NECAB1: variants seen among roughly 807,000 people sequenced by gnomAD.
NECAB1 encodes N-terminal EF-hand calcium-binding protein 1.
Under a neutral mutation model 57.5 loss-of-function variants are expected in NECAB1, and 29 were observed. The observed-to-expected ratio is 0.50, with a 90% CI of 0.38 to 0.69. The LOEUF is 0.69. Among genes scored for constraint, NECAB1 ranks in the 30% least tolerant of loss-of-function variants. The pLI is 0.00. For missense variants in NECAB1, 372 were observed against 413.8 expected (o/e 0.90, Z 0.88); for synonymous variants, 142 against 147.7 (o/e 0.96, Z 0.28).
chr8:90,847,476 G>A (rs2129763523), intron 3 of NECAB1, among the ~76,000 whole-genome samples: 1 of 152,364 alleles, frequency 6.6e-6, no homozygotes, highest in South Asian at 2.1e-4. Flanking sequence ...GGGGTCTGGA[G>A]GATGGTGGCC....
At chr8:90,927,744 C>T (rs1282004932) in intron 7 of NECAB1, among the ~76,000 whole-genome samples, 3 of 151,218 alleles carry the variant, frequency 2.0e-5, no homozygotes, top group East Asian at 1.9e-4. Flanking sequence ...ATTATAGAGT[C>T]CATGTATATA....
At chr8:90,834,164 C>CAAAAAAAAAA (rs71560282) in intron 3 of NECAB1, among the ~76,000 whole-genome samples, 1 of 49,138 alleles carries the variant, frequency 2.0e-5, no homozygotes, top group Non-Finnish European at 4.0e-5. Flanking sequence ...AACTGTGTCT[C>CAAAAAAAAAA]AAAAAAAAAA....
chr8:90,850,579 GATACAAGAAC>G (rs113257364), intron 3 of NECAB1, among the ~76,000 whole-genome samples: 7,095 of 152,234 alleles, frequency 0.047, 568 homozygotes, highest in African/African-American at 0.16. Context: ...TGTAGCATGT[GATACAAGAAC>G]ACCATGCAAA....
At chr8:90,828,663 C>T (rs1385458569) in intron 3 of NECAB1, among the ~76,000 whole-genome samples, 5 of 151,934 alleles carry the variant, frequency 3.3e-5, no homozygotes, top group African/African-American at 1.2e-4. Flanking sequence ...TTTCCATCAC[C>T]TTTTAAATTA....
chr8:90,926,759 C>A (rs1810282265), intron 7 of NECAB1, among the ~76,000 whole-genome samples: 1 of 152,144 alleles, frequency 6.6e-6, no homozygotes, highest in Admixed American at 6.6e-5. Context: ...ATATTAAAAA[C>A]CATTGTTTTA....
chr8:90,938,586 A>G (rs1563542524), intron 9 of NECAB1, among the ~76,000 whole-genome samples: 1 of 152,212 alleles, frequency 6.6e-6, no homozygotes, highest in Non-Finnish European at 1.5e-5. Flanking sequence ...TATTATTTAA[A>G]AAGCTCCGCT....
rs1371964139 is a variant in NECAB1, at chr8:90,957,849, T to C, written c.*2337T>C. ...GTAAAATAAAAAAAAATTTAAAAAA[T>C]TAAAAAATAAAAAAAAGAGGTCACT... On this transcript the variant is annotated 3_prime_UTR_variant, in exon 13 of 13. Coordinates refer to ENST00000417640, the MANE Select transcript of NECAB1 (RefSeq NM_022351.5). 2 of 148,762 alleles carry C rather than the reference T, an allele frequency of 1.3e-5. No homozygotes were observed. The highest frequency in any genetic ancestry group is 3.0e-5 in the Non-Finnish European group (2 of 66,816). 9.2% of individuals were successfully genotyped at this position (148,762 alleles called of 1,614,324 possible).
At chr8:90,895,256 T>TA (rs1450598217) in intron 5 of NECAB1, among the ~76,000 whole-genome samples, 1 of 152,204 alleles carries the variant, frequency 6.6e-6, no homozygotes, top group African/African-American at 2.4e-5. Context: ...CATATACTCC[T>TA]ACAACACTCT....
intron 3 of NECAB1, among the ~76,000 whole-genome samples, chr8:90,870,507 A>G (rs1446189743): frequency 6.6e-6 from 1 of 152,112 alleles, no homozygotes; most frequent in Non-Finnish European, 1.5e-5. Flanking sequence ...CATACTTTCA[A>G]TTTTTATTAC....
chr8:90,807,160 G>T (rs191458433), intron 2 of NECAB1, among the ~76,000 whole-genome samples: 1 of 152,028 alleles, frequency 6.6e-6, no homozygotes, highest in Non-Finnish European at 1.5e-5. Context: ...ATGTTTCCTT[G>T]GTAGTCTGAA....
chr8:90,917,870 A>ATATATATATATATATATATGTG lies in NECAB1; in HGVS notation c.494+243_494+244insATATATATATATATATATGTGT, dbSNP rs1554575432. Among the ~76,000 whole-genome samples, 155 of 64,250 alleles carry ATATATATATATATATATATGTG rather than the reference A, an allele frequency of 2.4e-3. 1 individual carries two copies. Among genetic ancestry groups the ATATATATATATATATATATGTG allele is most frequent in the Middle Eastern group, 9.4e-3 (1 of 106 alleles). The allele number at this position is 64,250 out of a possible 152,430, so 42.2% of individuals were successfully genotyped here. On this transcript the variant is annotated intron_variant, in intron 6 of 12. Coordinates refer to ENST00000417640, the MANE Select transcript of NECAB1 (RefSeq NM_022351.5). ...TATATATATATATATATATATATAT[A>ATATATATATATATATATATGTG]TGTGTGTGTGTGCGTGTATATATAT...
intron 5 of NECAB1, among the ~76,000 whole-genome samples, chr8:90,906,415 G>T (rs1328009364): frequency 5.3e-5 from 8 of 152,060 alleles, no homozygotes; most frequent in Admixed American, 5.2e-4. Context: ...GTGGTCCTTT[G>T]AGTGTTCCAG....
chr8:90,849,903 G>A (rs1378159889), intron 3 of NECAB1, among the ~76,000 whole-genome samples: 2 of 151,910 alleles, frequency 1.3e-5, no homozygotes, highest in Non-Finnish European at 1.5e-5. Flanking sequence ...TTCCATTTTT[G>A]TAATAAAATT....
intron 2 of NECAB1, among the ~76,000 whole-genome samples, chr8:90,803,176 C>T (rs964271816): frequency 6.6e-6 from 1 of 152,188 alleles, no homozygotes; most frequent in Admixed American, 6.5e-5. Context: ...GGATTACAAG[C>T]ATGGGCCACT....
In NECAB1 at chr8:90,934,307, C is replaced by G. The variant is rs1810478867; in HGVS notation, c.697C>G (p.Leu233Val). ...KLIDRLEKKD[L>V]KLEPPEEEII... ...CCATTTCTTCCTCTTATTGAAGGAT[C>G]TCAAACTCGAACCACCAGAAGAAGA... The change falls in exon 9 of 13, where the codon CTC (leucine) becomes GTC (valine). Residue 233 changes from leucine to valine, a missense_variant. Transcript: ENST00000417640. The G allele has an allele frequency of 6.6e-7, 1 of 1,513,048 alleles. No individual in the cohort carries two copies. The highest frequency in any genetic ancestry group is 2.6e-5 in the East Asian group (1 of 39,196). The allele number at this position is 1,513,048 out of a possible 1,614,324, so 93.7% of individuals were successfully genotyped here.
chr8:90,810,068 T>C (rs912688614), intron 2 of NECAB1, among the ~76,000 whole-genome samples: 1 of 152,154 alleles, frequency 6.6e-6, no homozygotes, highest in South Asian at 2.1e-4. Context: ...GGGCATGGAG[T>C]GAGTAAATAG....
At chr8:90,920,269 A>G (rs1810074071) in intron 6 of NECAB1, among the ~76,000 whole-genome samples, 1 of 152,190 alleles carries the variant, frequency 6.6e-6, no homozygotes, top group Admixed American at 6.5e-5. Context: ...AAATGCATAA[A>G]CAAGCAAACA....
At chr8:90,927,826 A>G (rs985950771) in intron 7 of NECAB1, among the ~76,000 whole-genome samples, 2 of 138,632 alleles carry the variant, frequency 1.4e-5, no homozygotes, top group Non-Finnish European at 3.1e-5. Flanking sequence ...TATCGTAGCA[A>G]TTTACACCTT....
chr8:90,916,313 T>G (rs1311992732), intron 5 of NECAB1, among the ~76,000 whole-genome samples: 2 of 152,206 alleles, frequency 1.3e-5, no homozygotes, highest in Non-Finnish European at 2.9e-5. Context: ...CAATTCTTCC[T>G]AAATTAAAGT....
Sources: allele counts gnomAD v4.1 joint callset (sites outside exome capture counted in the v4.1 genomes callset), GRCh38; gene constraint gnomAD v4.1.1; transcripts MANE v1.5; gene names NCBI Gene and HGNC (gene_info 2026-07-23, HGNC 2026-07-21).